SIK2: variants seen among roughly 807,000 people sequenced by gnomAD.
SIK2 encodes the protein serine/threonine-protein kinase SIK2.
SIK2 carries 29 observed loss-of-function variants against 103.2 expected under a neutral mutation model. The ratio of observed to expected loss-of-function variants is 0.28; its 90% CI spans 0.21 to 0.38. The LOEUF is 0.38. SIK2 is among the 10% of genes least tolerant of loss of function. The probability of loss-of-function intolerance (pLI) is 1.00; values close to 1 mark genes in which losing one functional copy is unlikely to be tolerated. For missense variants in SIK2, 879 were observed against 1,171.0 expected, an observed-to-expected ratio of 0.75 and a Z score of 3.64; for synonymous variants, 412 against 446.1, an observed-to-expected ratio of 0.92 and a Z score of 0.96.
intron 3 of SIK2, among the ~76,000 whole-genome samples, chr11:111,650,481 C>T (rs1368044856): frequency 2.0e-5 from 3 of 151,996 alleles, no homozygotes; most frequent in Admixed American, 6.6e-5. Flanking sequence ...ATTTATTGTG[C>T]ACTCAATGCA....
At chr11:111,704,796 A>C (rs1165142489) in intron 7 of SIK2, among the ~76,000 whole-genome samples, 191 bp from the exon 8 acceptor site, 1 of 152,208 alleles carries the variant, frequency 6.6e-6, no homozygotes, top group Non-Finnish European at 1.5e-5. Context: ...TCCTTTATAT[A>C]ATTAATACTA....
intron 3 of SIK2, among the ~76,000 whole-genome samples, chr11:111,684,001 A>G (rs1452147692): frequency 6.6e-6 from 1 of 152,196 alleles, no homozygotes; most frequent in Admixed American, 6.5e-5. Flanking sequence ...ATACACTGGA[A>G]TGCCTGCCGA....
At chr11:111,615,047 G>A (rs1941786090) in intron 1 of SIK2, among the ~76,000 whole-genome samples, 2 of 152,126 alleles carry the variant, frequency 1.3e-5, no homozygotes, top group Non-Finnish European at 2.9e-5. Context: ...GCTGAGGCAG[G>A]AGAATCACTT....
intron 3 of SIK2, among the ~76,000 whole-genome samples, chr11:111,646,637 T>C (rs1194480164): frequency 6.6e-6 from 1 of 152,150 alleles, no homozygotes; most frequent in Non-Finnish European, 1.5e-5. Context: ...CAACCACTGA[T>C]CTGTTTTCTG....
At chr11:111,631,920 G>A (rs962559809) in intron 3 of SIK2, among the ~76,000 whole-genome samples, 1 of 152,210 alleles carries the variant, frequency 6.6e-6, no homozygotes, top group Non-Finnish European at 1.5e-5. Context: ...CATGCATTAT[G>A]AGGCTCTGAT....
intron 1 of SIK2, among the ~76,000 whole-genome samples, chr11:111,605,742 T>C (rs1252157586): frequency 6.6e-6 from 1 of 152,232 alleles, no homozygotes; most frequent in Non-Finnish European, 1.5e-5. Context: ...TCTACAGAAC[T>C]TGGGAGATTC....
chr11:111,672,249 C>A, intron 3 of SIK2: 1 of 354,830 alleles, frequency 2.8e-6, no homozygotes, highest in Non-Finnish European at 5.2e-6. Context: ...CCTATGCTGG[C>A]ACTTAGGCCA....
At chr11:111,606,281 AAAAT>A (rs1254303845) in intron 1 of SIK2, among the ~76,000 whole-genome samples, 5 of 152,060 alleles carry the variant, frequency 3.3e-5, no homozygotes, top group Non-Finnish European at 7.4e-5. Context: ...AAAAGAAAGA[AAAAT>A]AAATAAAGAA....
At position 111,729,705 on chromosome 11, in the gene SIK2, T is replaced by C. The variant is rs1439350277; in HGVS notation, c.*5576T>C. The C allele has an allele frequency of 6.6e-6, 1 of 152,204 alleles. No homozygotes were observed. Among genetic ancestry groups the C allele is most frequent in the Non-Finnish European group, 1.5e-5 (1 of 68,042 alleles). The allele number at this position is 152,204 out of a possible 1,614,324, so 9.4% of individuals were successfully genotyped here. On this transcript the variant is annotated 3_prime_UTR_variant, in exon 15 of 15. Coordinates refer to ENST00000304987, the MANE Select transcript of SIK2 (RefSeq NM_015191.3). Reference sequence around the variant, plus strand: ...CCATTTTGGTCAAGCACAGGGTGAATGTGATATTGTTCCCACAACCTTATT... The same window carrying C: ...CCATTTTGGTCAAGCACAGGGTGAACGTGATATTGTTCCCACAACCTTATT...
chr11:111,649,668 G>A (rs773440067), intron 3 of SIK2, among the ~76,000 whole-genome samples: 7 of 152,058 alleles, frequency 4.6e-5, no homozygotes, highest in Non-Finnish European at 7.4e-5. Flanking sequence ...GATAATGTAT[G>A]TGAGAGTATT....
chr11:111,625,938 T>C (rs1299436828), intron 3 of SIK2, among the ~76,000 whole-genome samples: 2 of 152,248 alleles, frequency 1.3e-5, no homozygotes, highest in Non-Finnish European at 2.9e-5. Context: ...ATGTTAGGCA[T>C]CATTTCTATG....
At chr11:111,610,835 T>G (rs12796121) in intron 1 of SIK2, among the ~76,000 whole-genome samples, 1 of 152,192 alleles carries the variant, frequency 6.6e-6, no homozygotes, top group African/African-American at 2.4e-5. Flanking sequence ...ATAATACATG[T>G]TCACTGAAGA....
At chr11:111,689,651 G>T (rs1406211039) in intron 4 of SIK2, among the ~76,000 whole-genome samples, 1 of 152,190 alleles carries the variant, frequency 6.6e-6, no homozygotes, top group African/African-American at 2.4e-5. Context: ...TAATTGACCT[G>T]TTAGGTTGGA....
chr11:111,651,472 G>A (rs1942325259), intron 3 of SIK2, among the ~76,000 whole-genome samples: 1 of 152,174 alleles, frequency 6.6e-6, no homozygotes, highest in Admixed American at 6.5e-5. Context: ...ATAAGTGGGA[G>A]CTGAACAATG....
intron 3 of SIK2, among the ~76,000 whole-genome samples, chr11:111,646,561 GT>G (rs1185025092): frequency 6.6e-6 from 1 of 152,150 alleles, no homozygotes; most frequent in East Asian, 1.9e-4. Flanking sequence ...CCACCCCTAA[GT>G]TTCCTCAATG....
intron 3 of SIK2, among the ~76,000 whole-genome samples, chr11:111,634,898 T>C (rs945444895): frequency 8.5e-5 from 13 of 152,316 alleles, no homozygotes; most frequent in Non-Finnish European, 1.9e-4. Context: ...CATAGAAAGA[T>C]ATTAAATTGG....
intron 3 of SIK2, among the ~76,000 whole-genome samples, chr11:111,625,138 A>T (rs1021346130): frequency 1.3e-5 from 2 of 152,184 alleles, no homozygotes; most frequent in Non-Finnish European, 2.9e-5. Flanking sequence ...GGCCATTAGA[A>T]GGATTTTGAC....
chr11:111,624,470 G>A (rs922205169), intron 3 of SIK2, among the ~76,000 whole-genome samples: 1 of 152,122 alleles, frequency 6.6e-6, no homozygotes, highest in Non-Finnish European at 1.5e-5. Context: ...ACTTTGGGCA[G>A]GTTTCTTTCC....
intron 1 of SIK2, among the ~76,000 whole-genome samples, chr11:111,611,062 A>G (rs1005100977): frequency 3.3e-5 from 5 of 149,862 alleles, no homozygotes; most frequent in African/African-American, 1.2e-4. Flanking sequence ...CCTGGGCAAC[A>G]TGGTGAAACC....
Sources: allele counts gnomAD v4.1 joint callset (sites outside exome capture counted in the v4.1 genomes callset), GRCh38; gene constraint gnomAD v4.1.1; transcripts MANE v1.5; gene names NCBI Gene and HGNC (gene_info 2026-07-23, HGNC 2026-07-21).